ARHGAP31: variants seen among roughly 807,000 people sequenced by gnomAD.
ARHGAP31 encodes Rho GTPase activating protein 31, also known as rho GTPase-activating protein 31.
In ARHGAP31, 34 loss-of-function variants were observed where a neutral mutation model predicts 113.9. The ratio of observed to expected loss-of-function variants is 0.30; its 90% CI spans 0.23 to 0.40. ARHGAP31 has a LOEUF of 0.40. ARHGAP31 is among the 10% of genes least tolerant of loss of function. The probability of loss-of-function intolerance (pLI) is 1.00; values close to 1 mark genes in which losing one functional copy is unlikely to be tolerated. For synonymous variants in ARHGAP31, 650 were observed against 684.8 expected (o/e 0.95, Z 0.79); for missense variants, 1,548 against 1,767.1 (o/e 0.88, Z 2.22).
intron 6 of ARHGAP31, among the ~76,000 whole-genome samples, chr3:119,386,743 G>A (rs1454242813): frequency 1.3e-5 from 2 of 152,228 alleles, no homozygotes; most frequent in African/African-American, 4.8e-5. Context: ...AAGGAGCAGG[G>A]TAAAGAATGT....
chr3:119,383,003 G>T, intron 5 of ARHGAP31, 81 bp from the exon 6 acceptor site: 1 of 1,544,182 alleles, frequency 6.5e-7, no homozygotes. Context: ...TGAGCCTTGT[G>T]CAAAAGGCCC....
chr3:119,297,945 C>CA (rs1559958490), intron 1 of ARHGAP31, among the ~76,000 whole-genome samples: 1 of 150,642 alleles, frequency 6.6e-6, no homozygotes. Context: ...CACACACACA[C>CA]CGTGTATGCA....
intron 1 of ARHGAP31, among the ~76,000 whole-genome samples, chr3:119,300,949 A>G (rs949500536): frequency 2.0e-5 from 3 of 152,142 alleles, no homozygotes; most frequent in African/African-American, 7.2e-5. Flanking sequence ...GAGCAAGAAC[A>G]GCAACTTCGT....
intron 9 of ARHGAP31, among the ~76,000 whole-genome samples, chr3:119,401,517 C>G (rs1053949568): frequency 3.9e-5 from 6 of 152,138 alleles, no homozygotes; most frequent in African/African-American, 1.4e-4. Context: ...TAGATGATGG[C>G]TCTGTTTAGC....
chr3:119,350,655 C>T (rs1393971046), intron 1 of ARHGAP31, among the ~76,000 whole-genome samples: 2 of 151,870 alleles, frequency 1.3e-5, no homozygotes, highest in Non-Finnish European at 2.9e-5. Context: ...GGATTCCAGC[C>T]CCCGTAAAAA....
intron 8 of ARHGAP31, among the ~76,000 whole-genome samples, chr3:119,398,898 A>G (rs903549749): frequency 6.6e-6 from 1 of 152,218 alleles, no homozygotes; most frequent in Admixed American, 6.5e-5. Context: ...CTTTTTGTAA[A>G]GTAAAATTGA....
At position 119,415,887 on chromosome 3, in the gene ARHGAP31, A is replaced by G; in HGVS notation, c.3958A>G (p.Asn1320Asp). ...RMSETEPSGD[N>D]LLSSKLERPS... is the part of the protein sequence containing the mutation. ...GTCAGAGACAGAGCCATCTGGGGAC[A>G]ACCTTCTTTCTTCAAAACTAGAGCG... is the stretch of plus-strand genomic sequence containing the variant. The change falls in exon 12 of 12, where the codon AAC (asparagine) becomes GAC (aspartate). Residue 1320 changes from asparagine to aspartate, a missense_variant. Coordinates refer to ENST00000264245, the MANE Select transcript of ARHGAP31 (RefSeq NM_020754.4). 1 of 1,614,204 alleles carries G rather than the reference A, an allele frequency of 6.2e-7. No homozygotes were observed. The highest frequency in any genetic ancestry group is 8.5e-7 in the Non-Finnish European group (1 of 1,180,044).
At chr3:119,330,339 T>C (rs940592333) in intron 1 of ARHGAP31, among the ~76,000 whole-genome samples, 5 of 152,186 alleles carry the variant, frequency 3.3e-5, no homozygotes, top group Non-Finnish European at 5.9e-5. Context: ...GCGGGCATCA[T>C]AGGAAAAACC....
chr3:119,305,405 A>C (rs1397213453), intron 1 of ARHGAP31, among the ~76,000 whole-genome samples: 1 of 152,234 alleles, frequency 6.6e-6, no homozygotes, highest in Admixed American at 6.5e-5. Context: ...TACCATAAGT[A>C]GCCCCTTCCA....
intron 2 of ARHGAP31, among the ~76,000 whole-genome samples, chr3:119,367,821 C>T (rs977234299): frequency 2.0e-5 from 3 of 148,482 alleles, no homozygotes; most frequent in African/African-American, 2.5e-5. Context: ...TGTGCTGCTA[C>T]ACTCCAGCCT....
chr3:119,374,845 A>C (rs1013517035), intron 3 of ARHGAP31, among the ~76,000 whole-genome samples: 1 of 152,188 alleles, frequency 6.6e-6, no homozygotes, highest in Admixed American at 6.5e-5. Context: ...TTCTTATGGC[A>C]ATGTGAAAAA....
chr3:119,339,621 C>A (rs1462664613), intron 1 of ARHGAP31, among the ~76,000 whole-genome samples: 1 of 152,092 alleles, frequency 6.6e-6, no homozygotes, highest in Non-Finnish European at 1.5e-5. Context: ...CGACCCCACA[C>A]AAGTACAACC....
At chr3:119,361,374 C>CTT (rs555396093) in intron 1 of ARHGAP31, among the ~76,000 whole-genome samples, 2,228 of 132,308 alleles carry the variant, frequency 0.017, 40 homozygotes, top group East Asian at 0.056. Context: ...TTCAACATTC[C>CTT]TTTTTTTTTT....
intron 6 of ARHGAP31, among the ~76,000 whole-genome samples, chr3:119,389,788 A>C (rs1219364035): frequency 1.3e-5 from 2 of 152,264 alleles, no homozygotes; most frequent in African/African-American, 4.8e-5. Flanking sequence ...TTACTATTTC[A>C]GAAGTCATAG....
At chr3:119,385,672 T>G (rs1460492257) in intron 6 of ARHGAP31, among the ~76,000 whole-genome samples, 1 of 152,228 alleles carries the variant, frequency 6.6e-6, no homozygotes, top group African/African-American at 2.4e-5. Context: ...TTCATTGATT[T>G]ATTACAGCAA....
chr3:119,320,894 G>T (rs75795800), intron 1 of ARHGAP31, among the ~76,000 whole-genome samples: 2 of 152,024 alleles, frequency 1.3e-5, no homozygotes, highest in African/African-American at 4.8e-5. Flanking sequence ...GGCCTTTCTC[G>T]GGCTGTTCTT....
intron 6 of ARHGAP31, among the ~76,000 whole-genome samples, chr3:119,385,091 AT>A (rs1284614656): frequency 1.3e-5 from 2 of 151,522 alleles, no homozygotes; most frequent in Non-Finnish European, 1.5e-5. Flanking sequence ...CACCTGGCTA[AT>A]TTTTTTTGTA....
At chr3:119,405,938 G>C (rs1034903129) in intron 10 of ARHGAP31, among the ~76,000 whole-genome samples, 4 of 152,210 alleles carry the variant, frequency 2.6e-5, no homozygotes, top group East Asian at 1.9e-4. Context: ...GTAACCTGAG[G>C]ACTGTGCAGC....
chr3:119,344,165 A>G (rs1577004356), intron 1 of ARHGAP31, among the ~76,000 whole-genome samples: 2 of 152,270 alleles, frequency 1.3e-5, no homozygotes, highest in East Asian at 3.8e-4. Context: ...GTTTTAATCT[A>G]TGTCCCATGC....
Sources: gnomAD v4.1 joint callset for allele counts (sites outside exome capture counted in the v4.1 genomes callset) on GRCh38, gnomAD v4.1.1 for gene constraint, MANE v1.5 for transcripts, NCBI Gene and HGNC (gene_info 2026-07-23, HGNC 2026-07-21) for gene names.